Variants in DMRT2 observed in about 807,000 individuals in gnomAD.
The protein encoded by DMRT2 is doublesex- and mab-3-related transcription factor 2.
Under a neutral mutation model 43.5 loss-of-function variants are expected in DMRT2, and 33 were observed. That is an observed-to-expected ratio of 0.76 (90% CI 0.58 to 1.01). DMRT2 has a LOEUF of 1.01. Among genes scored for constraint, DMRT2 ranks in the 50% least tolerant of loss-of-function variants. The pLI is 0.00. For missense variants in DMRT2, 1,064 were observed against 748.0 expected, an observed-to-expected ratio of 1.42 and a Z score of -4.93; for synonymous variants, 395 against 309.2, an observed-to-expected ratio of 1.28 and a Z score of -2.91.
At chr9:1,054,057 C>G (rs1219555451) in intron 3 of DMRT2, among the ~76,000 whole-genome samples, 1 of 152,160 alleles carries the variant, frequency 6.6e-6, no homozygotes, top group African/African-American at 2.4e-5. Context: ...GAAACCGCCA[C>G]CTGGGAAAAT....
Position 1,050,724 on chromosome 9 carries a change from C to G in DMRT2, c.-96C>G, listed in dbSNP as rs1172165930. The stretch of plus-strand genomic sequence containing the variant: ...CAGCCAGCAGCCCTAGCGCCAGATC[C>G]TAAAGCTGGATATCTTTTAACTGGG... On this transcript the variant is annotated 5_prime_UTR_variant, in exon 1 of 4. Transcript: ENST00000358146. 2 of 152,282 alleles carry G rather than the reference C, an allele frequency of 1.3e-5. No individual in the cohort carries two copies. The highest frequency in any genetic ancestry group is 2.4e-5 in the African/African-American group (1 of 41,446). The allele number at this position is 152,282 out of a possible 1,614,324, so 9.4% of individuals were successfully genotyped here. A position where few individuals can be genotyped will look rare whatever the true frequency, so the allele number is the denominator to read the frequency against.
At chr9:1,050,992 C>G (rs190205220) in intron 1 of DMRT2, among the ~76,000 whole-genome samples, 1 of 152,106 alleles carries the variant, frequency 6.6e-6, no homozygotes, top group Non-Finnish European at 1.5e-5. Context: ...CTAATGACAA[C>G]AAAATTTTGG....
At position 1,053,841 on chromosome 9, in the gene DMRT2, A is replaced by G. The variant is rs766484682; in HGVS notation, c.628+17A>G. The G allele has an allele frequency of 2.5e-6, 4 of 1,604,536 alleles. No individual in the cohort carries two copies. The Admixed American group carries it at 5.0e-5, about 20-fold the overall frequency. On this transcript the variant is annotated intron_variant, in intron 3 of 3. Coordinates refer to ENST00000358146, the MANE Select transcript of DMRT2 (RefSeq NM_181872.6). ...TTTTAGAAGGTAAAGCAACAAAATT[A>G]TCCTTCAGCCTTTTAAACAGAGTTG... is the stretch of plus-strand genomic sequence containing the variant.
Position 1,056,924 on chromosome 9 carries a change from C to T in DMRT2, c.1337C>T (p.Ala446Val), listed in dbSNP as rs374194584. ...CCCATTGTTGACACGGACTCCCTGG[C>T]AGCTCAAGGGCATGTCTTAACGAAG... ...FSPIVDTDSL[A>V]AQGHVLTKIS... Residue 446 changes from alanine to valine, a missense_variant, in exon 4 of 4, where the codon GCA becomes GTA. Physicochemically the swap from Ala to Val is moderately conservative, Grantham distance 64. Transcript: ENST00000358146. 1 of 1,614,196 alleles carries T rather than the reference C, an allele frequency of 6.2e-7. No individual in the cohort carries two copies. Among genetic ancestry groups the T allele is most frequent in the Non-Finnish European group, 8.5e-7 (1 of 1,180,038 alleles).
intron 2 of DMRT2, among the ~76,000 whole-genome samples, chr9:1,053,261 G>A (rs1003828129): frequency 6.6e-6 from 1 of 152,162 alleles, no homozygotes; most frequent in Non-Finnish European, 1.5e-5. Context: ...ACCCCACCCT[G>A]CCTGCCCTGC....
At position 1,052,078 on chromosome 9, in the gene DMRT2, G is replaced by C; in HGVS notation, c.465G>C (p.Val155=). The C allele has an allele frequency of 1.4e-6, 2 of 1,460,458 alleles. No homozygotes were observed. The highest frequency in any genetic ancestry group is 2.5e-5 in the Admixed American group (1 of 40,562). The allele number at this position is 1,460,458 out of a possible 1,614,324, so 90.5% of individuals were successfully genotyped here. The change falls in exon 2 of 4, where the codon GTG becomes GTC. Residue 155 remains valine (V), a synonymous_variant. Transcript: ENST00000358146. ...RDCQCANCLL[V]VERQRVMAAQ... Reference sequence around the variant, plus strand: ...GCCAGTGCGCCAACTGCCTGCTGGTGGTGGAGCGGCAGCGCGTCATGGCCG... The same window carrying C: ...GCCAGTGCGCCAACTGCCTGCTGGTCGTGGAGCGGCAGCGCGTCATGGCCG...
At position 1,057,260 on chromosome 9, in the gene DMRT2, G is replaced by T. The variant is rs770673047; in HGVS notation, c.1673G>T (p.Arg558Leu). 9.9e-6 allele frequency: 16 copies of T among 1,608,304 alleles called. No individual in the cohort carries two copies. The highest frequency in any genetic ancestry group is 1.2e-5 in the Non-Finnish European group (14 of 1,177,788). The part of the protein sequence containing the change: ...ILKRPSSAIT[R>L]VSQ ...AAGAGGCCTTCATCTGCCATCACTC[G>T]TGTCTCTCAGTGAAAGGCTGCTTAA... Residue 558 changes from arginine (R) to leucine (L), a missense_variant, in exon 4 of 4, where the codon CGT (arginine) becomes CTT (leucine). Transcript: ENST00000358146.
chr9:1,056,348 A>G lies in DMRT2; in HGVS notation c.761A>G (p.Tyr254Cys), dbSNP rs201385986. 82 of 1,614,082 alleles carry G rather than the reference A, an allele frequency of 5.1e-5. No homozygotes were observed. Among genetic ancestry groups the G allele is most frequent in the Non-Finnish European group, 6.8e-5 (80 of 1,180,054 alleles). ...ELENIMLERE[Y>C]KEREMLETSQ... Reference sequence around the variant, plus strand: ...GAGAACATTATGCTGGAGAGAGAATATAAAGAAAGGGAGATGTTGGAAACT... The same window carrying G: ...GAGAACATTATGCTGGAGAGAGAATGTAAAGAAAGGGAGATGTTGGAAACT... Residue 254 changes from tyrosine (Y) to cysteine (C), a missense_variant, in exon 4 of 4, where the codon TAT (tyrosine) becomes TGT (cysteine). Transcript: ENST00000358146.
rs1285784013 is a variant in DMRT2 at position 1,051,864 on chromosome 9, C to G, written c.251C>G (p.Pro84Arg). Residue 84 changes from proline (P) to arginine (R), a missense_variant, in exon 2 of 4, where the codon CCG (proline) becomes CGG (arginine). Pro to Arg is a moderately radical substitution (Grantham distance 103). Coordinates refer to ENST00000358146, the MANE Select transcript of DMRT2 (RefSeq NM_181872.6). This position sits in a 1 kb window ranked among gnomAD's most constrained non-coding sequence, Gnocchi z 5.9. ...MPGQPEQRGG[P>R]QPRPPLAPQA... ...GGCCAGCCGGAGCAGCGGGGGGGACCGCAGCCGAGGCCGCCGCTCGCGCCT... is the reference window on the plus strand; with the variant it reads ...GGCCAGCCGGAGCAGCGGGGGGGACGGCAGCCGAGGCCGCCGCTCGCGCCT... The G allele has an allele frequency of 3.5e-5, 49 of 1,387,218 alleles. No individual in the cohort carries two copies. Among genetic ancestry groups the G allele is most frequent in the Non-Finnish European group, 4.3e-5 (46 of 1,081,336 alleles). 85.9% of individuals were successfully genotyped at this position (1,387,218 alleles called of 1,614,324 possible).
rs763801083 is a variant in DMRT2, at chr9:1,056,343, A to G, written c.756A>G (p.Arg252=). 1 of 1,614,184 alleles carries G rather than the reference A, an allele frequency of 6.2e-7. No individual in the cohort carries two copies. The change falls in exon 4 of 4, where the codon AGA becomes AGG. Residue 252 remains arginine (R), a synonymous_variant. Coordinates refer to ENST00000358146, the MANE Select transcript of DMRT2 (RefSeq NM_181872.6). ...DKELENIMLE[R]EYKEREMLET... is the part of the protein sequence containing the mutation. ...AGTTGGAGAACATTATGCTGGAGAG[A>G]GAATATAAAGAAAGGGAGATGTTGG...
chr9:1,057,241 C>T lies in DMRT2; in HGVS notation c.1654C>T (p.Pro552Ser), dbSNP rs756460105. The stretch of plus-strand genomic sequence containing the variant: ...TTCTGTTGAGTCTATTCTTAAGAGG[C>T]CTTCATCTGCCATCACTCGTGTCTC... Reference protein sequence around the residue: ...SFSVESILKRPSSAITRVSQ With the variant: ...SFSVESILKRSSSAITRVSQ The change falls in exon 4 of 4, where the codon CCT becomes TCT. Residue 552 changes from proline to serine, a missense_variant. Coordinates refer to ENST00000358146, the MANE Select transcript of DMRT2 (RefSeq NM_181872.6). 5.0e-6 allele frequency: 8 copies of T among 1,611,936 alleles called. No individual in the cohort carries two copies. Among genetic ancestry groups the T allele is most frequent in the Non-Finnish European group, 6.8e-6 (8 of 1,179,254 alleles).
At position 1,057,035 on chromosome 9, in the gene DMRT2, C is replaced by G. The variant is rs376933173; in HGVS notation, c.1448C>G (p.Ser483Trp). The G allele has an allele frequency of 6.2e-7, 1 of 1,614,034 alleles. No homozygotes were observed. The highest frequency in any genetic ancestry group is 1.3e-5 in the African/African-American group (1 of 74,902). ...TTCCAGCAAACACTTACTGACAAAT[C>G]GGGTCCTGAGTTGAAAACACCATTT... ...SLFQQTLTDK[S>W]GPELKTPFVK... The change falls in exon 4 of 4, where the codon TCG (serine) becomes TGG (tryptophan). Residue 483 changes from serine (S) to tryptophan (W), a missense_variant. Physicochemically the swap from Ser to Trp is radical, Grantham distance 177. Transcript: ENST00000358146.
chr9:1,051,712 G>T lies in DMRT2; in HGVS notation c.99G>T (p.Thr33=). ...EEDVCGAPRS[T]PPGPSPPPAD... Reference sequence around the variant, plus strand: ...ACGTCTGCGGGGCGCCGCGGTCCACGCCCCCCGGGCCCAGCCCGCCGCCGG... The same window carrying T: ...ACGTCTGCGGGGCGCCGCGGTCCACTCCCCCCGGGCCCAGCCCGCCGCCGG... The change falls in exon 2 of 4, where the codon ACG becomes ACT. Residue 33 remains threonine (T), a synonymous_variant. Coordinates refer to ENST00000358146, the MANE Select transcript of DMRT2 (RefSeq NM_181872.6). This position sits in a 1 kb window ranked among gnomAD's most constrained non-coding sequence, Gnocchi z 5.9. The T allele has an allele frequency of 3.9e-6, 6 of 1,542,228 alleles. No individual in the cohort carries two copies. In the South Asian group the frequency reaches 5.9e-5, roughly 15 times the overall value.
chr9:1,057,227 C>T lies in DMRT2; in HGVS notation c.1640C>T (p.Ser547Phe). 6.2e-7 allele frequency: 1 copy of T among 1,613,792 alleles called. No individual in the cohort carries two copies. The highest frequency in any genetic ancestry group is 8.5e-7 in the Non-Finnish European group (1 of 1,179,878). The change falls in exon 4 of 4, where the codon TCT becomes TTT. Residue 547 changes from serine (S) to phenylalanine (F), a missense_variant. Transcript: ENST00000358146. ...VNEPLSFSVESILKRPSSAIT... is the reference protein window; with the variant it reads ...VNEPLSFSVEFILKRPSSAIT... ...GAACCACTGTCATTTTCTGTTGAGTCTATTCTTAAGAGGCCTTCATCTGCC... is the reference window on the plus strand; with the variant it reads ...GAACCACTGTCATTTTCTGTTGAGTTTATTCTTAAGAGGCCTTCATCTGCC...
rs767625504 is a variant in DMRT2, at chr9:1,056,663, G to A, written c.1076G>A (p.Cys359Tyr). Residue 359 changes from cysteine to tyrosine, a missense_variant, in exon 4 of 4, where the codon TGC becomes TAC. Physicochemically the swap from Cys to Tyr is radical, Grantham distance 194. Transcript: ENST00000358146. The stretch of plus-strand genomic sequence containing the variant: ...AGCGACACCCTCCTCTACCAGCAAT[G>A]CCTGCTAAATGCCACCACCTCAGTT... ...PISDTLLYQQ[C>Y]LLNATTSVQA... 6.2e-7 allele frequency: 1 copy of A among 1,614,202 alleles called. No individual in the cohort carries two copies. The highest frequency in any genetic ancestry group is 1.1e-5 in the South Asian group (1 of 91,084).
At position 1,051,457 on chromosome 9, in the gene DMRT2, A is replaced by G; in HGVS notation, c.-44-113A>G. The G allele has an allele frequency of 7.8e-7, 1 of 1,284,532 alleles. No homozygotes were observed. The highest frequency in any genetic ancestry group is 3.0e-5 in the East Asian group (1 of 33,068). 79.6% of individuals were successfully genotyped at this position (1,284,532 alleles called of 1,614,324 possible). On this transcript the variant is annotated intron_variant, in intron 1 of 3. Transcript: ENST00000358146. The surrounding 1 kb of genome is among the most constrained non-coding windows in gnomAD (Gnocchi z 5.9). ...TGGAAGTGAGGGACATGTAATGAGA[A>G]CAGGATGACTCAAGCGGCCGGAGGC...
At chr9:1,050,998 T>A (rs1401529113) in intron 1 of DMRT2, among the ~76,000 whole-genome samples, 4 of 152,070 alleles carry the variant, frequency 2.6e-5, no homozygotes, top group Non-Finnish European at 5.9e-5. Flanking sequence ...ACAACAAAAT[T>A]TTGGTTTTCA....
chr9:1,056,074 T>C, intron 3 of DMRT2, 142 bp from the exon 4 acceptor site: 1 of 1,465,696 alleles, frequency 6.8e-7, no homozygotes, highest in Non-Finnish European at 9.0e-7. Flanking sequence ...TCTGTACTTT[T>C]GCATCTGTAT....
intron 3 of DMRT2, chr9:1,055,655 T>A: frequency 7.2e-7 from 1 of 1,391,590 alleles, no homozygotes; most frequent in Non-Finnish European, 9.5e-7. Context: ...TCTATTTTCT[T>A]AAGCCTTTTT....
Sources: allele counts gnomAD v4.1 joint callset (sites outside exome capture counted in the v4.1 genomes callset), GRCh38; gene constraint gnomAD v4.1.1; non-coding constraint Gnocchi (gnomAD v3.1); transcripts MANE v1.5; gene names NCBI Gene and HGNC (gene_info 2026-07-23, HGNC 2026-07-21).